Variants in HERC1 observed in about 807,000 individuals in gnomAD.
HERC1 encodes the protein probable E3 ubiquitin-protein ligase HERC1.
Under a neutral mutation model 554.3 loss-of-function variants are expected in HERC1, and 160 were observed. That is an observed-to-expected ratio of 0.29 (90% CI 0.25 to 0.33). HERC1 has a LOEUF of 0.33. Among genes scored for constraint, HERC1 ranks in the 10% least tolerant of loss-of-function variants. HERC1 has a pLI of 1.00. For synonymous variants in HERC1, 2,175 were observed against 2,131.7 expected (o/e 1.02, Z -0.56); for missense variants, 4,919 against 5,918.5 (o/e 0.83, Z 5.54).
intron 2 of HERC1, among the ~76,000 whole-genome samples, chr15:63,770,119 C>G (rs1188273854): frequency 6.6e-6 from 1 of 152,140 alleles, no homozygotes. Flanking sequence ...CAGCCTCAAT[C>G]TCATCTCATT....
chr15:63,640,223 C>A lies in HERC1; in HGVS notation c.11830G>T (p.Ala3944Ser), dbSNP rs1326367392. The A allele has an allele frequency of 2.0e-5, 33 of 1,613,794 alleles. No homozygotes were observed. In the East Asian group the frequency reaches 7.3e-4, roughly 36 times the overall value. Residue 3944 changes from alanine to serine, a missense_variant, in exon 61 of 78, where the codon GCC (alanine) becomes TCC (serine). By Grantham distance (99) the Ala-to-Ser change is moderately conservative. Coordinates refer to ENST00000443617, the MANE Select transcript of HERC1 (RefSeq NM_003922.4). ...ACGGTAAAAGATTCTGGAAACTGGG[C>A]TCCATTGGTCAGGGCTTCGGCAGCT... ...IKAAEALTNG[A>S]QFPESFTVPD... is the part of the protein sequence containing the mutation.
intron 12 of HERC1, among the ~76,000 whole-genome samples, chr15:63,736,843 G>T (rs1473281292): frequency 2.0e-5 from 3 of 152,012 alleles, no homozygotes; most frequent in Non-Finnish European, 2.9e-5. Context: ...CTGACCTCAG[G>T]TGATCTGCCC....
At chr15:63,626,457 T>C (rs1444024529) in intron 70 of HERC1, among the ~76,000 whole-genome samples, 1 of 152,236 alleles carries the variant, frequency 6.6e-6, no homozygotes. Flanking sequence ...AGGCAGTTCT[T>C]TCACAAAAAT....
At chr15:63,755,688 G>A (rs2075399284) in intron 5 of HERC1, among the ~76,000 whole-genome samples, 1 of 152,188 alleles carries the variant, frequency 6.6e-6, no homozygotes, top group African/African-American at 2.4e-5. Context: ...GCTGAGTTGG[G>A]AGGACCACCT....
chr15:63,674,237 A>G, intron 38 of HERC1, 105 bp downstream of exon 38: 1 of 695,340 alleles, frequency 1.4e-6, no homozygotes, highest in Non-Finnish European at 2.0e-6. Context: ...CAAAAAAAAA[A>G]TTTTTTTTTT....
chr15:63,686,244 T>C (rs1176029018), intron 34 of HERC1, 115 bp downstream of exon 34: 5 of 713,104 alleles, frequency 7.0e-6, no homozygotes, highest in Admixed American at 2.7e-5. Context: ...TACATAATAA[T>C]AGAACATTTA....
intron 14 of HERC1, among the ~76,000 whole-genome samples, chr15:63,732,600 C>A (rs1046662389): frequency 6.6e-6 from 1 of 152,216 alleles, no homozygotes; most frequent in African/African-American, 2.4e-5. Flanking sequence ...GTTCCAAGTA[C>A]ATTGTTTCAT....
chr15:63,810,212 G>A (rs1331348747), intron 1 of HERC1, among the ~76,000 whole-genome samples: 6 of 152,082 alleles, frequency 3.9e-5, no homozygotes, highest in Non-Finnish European at 7.4e-5. Flanking sequence ...ACAGATATTT[G>A]TACACCAATG....
intron 25 of HERC1, among the ~76,000 whole-genome samples, chr15:63,702,549 G>C (rs541473873): frequency 6.6e-6 from 1 of 152,088 alleles, no homozygotes; most frequent in East Asian, 1.9e-4. Flanking sequence ...CTGCAAAAAC[G>C]TATTGTCTTT....
intron 43 of HERC1, among the ~76,000 whole-genome samples, chr15:63,663,586 C>T (rs1311097630): frequency 6.6e-6 from 1 of 152,174 alleles, no homozygotes; most frequent in African/African-American, 2.4e-5. Flanking sequence ...CTCTGAGTAG[C>T]TAGGACTACA....
chr15:63,723,395 A>G (rs903262461), intron 18 of HERC1, 40 bp from the exon 19 acceptor site: 7 of 1,373,074 alleles, frequency 5.1e-6, no homozygotes, highest in Non-Finnish European at 6.9e-6. Flanking sequence ...AACATCATAA[A>G]TTTTGGTGCT....
At chr15:63,620,647 C>T (rs535692830) in intron 74 of HERC1, among the ~76,000 whole-genome samples, 4,885 of 151,962 alleles carry the variant, frequency 0.032, 249 homozygotes, top group African/African-American at 0.11. Flanking sequence ...TTGTAGGTCA[C>T]TAAGGACTTG....
intron 1 of HERC1, among the ~76,000 whole-genome samples, chr15:63,800,217 A>C (rs1483385442): frequency 3.3e-5 from 5 of 152,194 alleles, no homozygotes; most frequent in African/African-American, 9.7e-5. Flanking sequence ...TTCTGTAATA[A>C]AAAGTTAATG....
Position 63,749,902 on chromosome 15 carries a change from T to C in HERC1, c.1903-111A>G. On this transcript the variant is annotated intron_variant, in intron 8 of 77. Coordinates refer to ENST00000443617, the MANE Select transcript of HERC1 (RefSeq NM_003922.4). The surrounding 1 kb of genome is among the most constrained non-coding windows in gnomAD (Gnocchi z 4.1). ...AAGTGTGGTTTGATAGTAAATAACT[T>C]TCTGATGTTAAAATCATTTTGATCA... 1.1e-6 allele frequency: 1 copy of C among 872,900 alleles called. No homozygotes were observed. Among genetic ancestry groups the C allele is most frequent in the Non-Finnish European group, 1.7e-6 (1 of 602,150 alleles). The allele number at this position is 872,900 out of a possible 1,614,324, so 54.1% of individuals were successfully genotyped here.
chr15:63,675,147 G>A, intron 37 of HERC1, 30 bp from the exon 38 acceptor site: 2 of 1,537,030 alleles, frequency 1.3e-6, no homozygotes, highest in South Asian at 1.2e-5. Context: ...GACACAGGAA[G>A]AAGCAAGTGA....
chr15:63,687,461 C>T (rs779872817), intron 33 of HERC1, among the ~76,000 whole-genome samples: 7 of 151,768 alleles, frequency 4.6e-5, no homozygotes, highest in African/African-American at 4.8e-5. Context: ...TCGCTTGAAC[C>T]GGGGAGGCAG....
chr15:63,675,221 T>A, intron 37 of HERC1, 104 bp from the exon 38 acceptor site: 1 of 886,826 alleles, frequency 1.1e-6, no homozygotes, highest in Non-Finnish European at 1.7e-6. Flanking sequence ...ATGTACACAA[T>A]ACAGAGAATA....
At chr15:63,645,798 T>A in intron 55 of HERC1, 116 bp from the exon 56 acceptor site, 1 of 654,626 alleles carries the variant, frequency 1.5e-6, no homozygotes, top group African/African-American at 1.8e-5. Flanking sequence ...ACTCATTTAT[T>A]TTGAAATCAA....
chr15:63,798,152 G>A (rs1378120421), intron 1 of HERC1, among the ~76,000 whole-genome samples: 1 of 152,146 alleles, frequency 6.6e-6, no homozygotes, highest in African/African-American at 2.4e-5. Context: ...CCCAGAATCA[G>A]TGCTTTAGGA....
Sources: allele counts gnomAD v4.1 joint callset (sites outside exome capture counted in the v4.1 genomes callset), GRCh38; gene constraint gnomAD v4.1.1; non-coding constraint Gnocchi (gnomAD v3.1); transcripts MANE v1.5; gene names NCBI Gene and HGNC (gene_info 2026-07-23, HGNC 2026-07-21).